Variants in DCDC1 observed in about 807,000 individuals in gnomAD.
DCDC1 encodes doublecortin domain containing 1, also known as doublecortin domain-containing protein 1.
DCDC1 carries 200 observed loss-of-function variants against 178.3 expected under a neutral mutation model. That is an observed-to-expected ratio of 1.12 (90% confidence interval 1.00 to 1.26). The LOEUF is 1.26. Ranked by LOEUF, DCDC1 falls within the 50% of genes most tolerant of loss-of-function variation. DCDC1 has a pLI of 0.00. For synonymous variants in DCDC1, 690 were observed against 604.8 expected (o/e 1.14, Z -2.07); for missense variants, 1,983 against 1,749.2 (o/e 1.13, Z -2.38).
chr11:31,354,738 T>C (rs1326028975), intron 1 of DCDC1, among the ~76,000 whole-genome samples: 2 of 152,156 alleles, frequency 1.3e-5, no homozygotes, highest in South Asian at 2.1e-4. Context: ...AATTTAAAAA[T>C]TGACTTGAAC....
intron 7 of DCDC1, among the ~76,000 whole-genome samples, chr11:31,284,897 C>T (rs1946705853): frequency 6.6e-6 from 1 of 151,980 alleles, no homozygotes; most frequent in Admixed American, 6.6e-5. Context: ...CCTTGGCCTC[C>T]CAAGGTGCTG....
chr11:31,117,169 T>TA (rs35660869), intron 11 of DCDC1, among the ~76,000 whole-genome samples: 1 of 152,112 alleles, frequency 6.6e-6, no homozygotes, highest in Non-Finnish European at 1.5e-5. Flanking sequence ...ATTGATCCTC[T>TA]AAGGCTGTGA....
At chr11:31,335,252 T>A (rs1363931567) in intron 2 of DCDC1, among the ~76,000 whole-genome samples, 195 bp downstream of exon 2, 1 of 152,158 alleles carries the variant, frequency 6.6e-6, no homozygotes, top group Non-Finnish European at 1.5e-5. Context: ...GCTAAGACCA[T>A]TGGAAAAGCG....
chr11:30,876,845 G>C (rs965811857), intron 38 of DCDC1, among the ~76,000 whole-genome samples: 1 of 152,060 alleles, frequency 6.6e-6, no homozygotes, highest in African/African-American at 2.4e-5. Flanking sequence ...TCATTCTAGG[G>C]AGAGGCCCAG....
intron 8 of DCDC1, 86 bp downstream of exon 8, chr11:31,265,421 T>C (rs1282638518): frequency 1.7e-5 from 11 of 628,686 alleles, no homozygotes; most frequent in Non-Finnish European, 2.6e-5. Context: ...TATTATATGT[T>C]TTTCTTTTAA....
intron 20 of DCDC1, among the ~76,000 whole-genome samples, chr11:30,958,617 C>G (rs1271021734): frequency 9.9e-5 from 15 of 152,094 alleles, no homozygotes. Flanking sequence ...ATAATCCCAG[C>G]ATTACATGGT....
intron 7 of DCDC1, among the ~76,000 whole-genome samples, chr11:31,272,915 T>C (rs1229434902): frequency 6.6e-6 from 1 of 152,178 alleles, no homozygotes; most frequent in Non-Finnish European, 1.5e-5. Context: ...AGGAACTCTG[T>C]GTAGGGACTC....
chr11:31,105,193 C>T (rs1481085114), intron 13 of DCDC1, among the ~76,000 whole-genome samples: 1 of 151,744 alleles, frequency 6.6e-6, no homozygotes, highest in Non-Finnish European at 1.5e-5. Context: ...GGACTGGAAA[C>T]CAAAAAAATA....
At chr11:31,005,967 A>C (rs1382202895) in intron 20 of DCDC1, among the ~76,000 whole-genome samples, 4 of 150,882 alleles carry the variant, frequency 2.7e-5, no homozygotes, top group Admixed American at 6.6e-5. Context: ...AAAAAAAAAA[A>C]AAAAAAAAAA....
chr11:31,219,967 T>G (rs1974056906), intron 9 of DCDC1, among the ~76,000 whole-genome samples: 1 of 152,164 alleles, frequency 6.6e-6, no homozygotes, highest in South Asian at 2.1e-4. Context: ...TGAAGCAATC[T>G]GACTCCAGCC....
At chr11:31,091,264 G>T (rs1957804489) in intron 17 of DCDC1, 129 bp downstream of exon 17, 1 of 558,792 alleles carries the variant, frequency 1.8e-6, no homozygotes, top group African/African-American at 1.9e-5. Context: ...AATTAATATT[G>T]TTATTATGAA....
In DCDC1 at chr11:30,917,017, A is replaced by C. The variant is rs777418313; in HGVS notation, c.3305T>G (p.Val1102Gly). Reference sequence around the variant, plus strand: ...AGCCTTCATTCGAAGATGAGCTCTTACGTGTGAATCTCTATCAAGGTTCAG... The same window carrying C: ...AGCCTTCATTCGAAGATGAGCTCTTCCGTGTGAATCTCTATCAAGGTTCAG... ...NASSEILDSH[V>G]RAHLRMKACH... Residue 1102 changes from valine to glycine, a missense_variant, in exon 26 of 39, where the codon GTA (valine) becomes GGA (glycine). Val to Gly is a moderately radical substitution (Grantham distance 109, BLOSUM62 -3). Coordinates refer to ENST00000684477, the MANE Select transcript of DCDC1 (RefSeq NM_001387274.1). 13 of 1,598,306 alleles carry C rather than the reference A, an allele frequency of 8.1e-6. No homozygotes were observed. The highest frequency in any genetic ancestry group is 1.7e-5 in the Admixed American group (1 of 57,464).
At chr11:30,930,294 G>A (rs1242769532) in intron 22 of DCDC1, among the ~76,000 whole-genome samples, 1 of 152,044 alleles carries the variant, frequency 6.6e-6, no homozygotes, top group Non-Finnish European at 1.5e-5. Context: ...CAGCCACCCT[G>A]CAATGTAACC....
chr11:31,004,010 A>T (rs1353283813), intron 20 of DCDC1, among the ~76,000 whole-genome samples: 1 of 152,136 alleles, frequency 6.6e-6, no homozygotes, highest in Non-Finnish European at 1.5e-5. Flanking sequence ...CTGTTCACTG[A>T]GAGAAGGAAC....
chr11:31,109,553 T>C (rs1959066192), intron 12 of DCDC1, among the ~76,000 whole-genome samples: 1 of 152,166 alleles, frequency 6.6e-6, no homozygotes, highest in Admixed American at 6.6e-5. Flanking sequence ...CTTTTTCGAT[T>C]GGCTGTAAAA....
chr11:31,166,384 T>C (rs1255322454), intron 9 of DCDC1, among the ~76,000 whole-genome samples: 1 of 152,228 alleles, frequency 6.6e-6, no homozygotes, highest in Non-Finnish European at 1.5e-5. Context: ...ATAAATTGGA[T>C]GCTAAGTAGA....
chr11:30,894,605 C>G (rs1340595732), intron 34 of DCDC1, among the ~76,000 whole-genome samples: 1 of 152,194 alleles, frequency 6.6e-6, no homozygotes, highest in Non-Finnish European at 1.5e-5. Context: ...TATACATACT[C>G]TACAGGTAGA....
chr11:31,358,688 A>C (rs1038867124), intron 1 of DCDC1, among the ~76,000 whole-genome samples: 3 of 152,222 alleles, frequency 2.0e-5, no homozygotes, highest in Non-Finnish European at 4.4e-5. Context: ...CAACCTACTC[A>C]TCTGACAAAG....
chr11:31,125,627 C>T (rs771038514), intron 11 of DCDC1, among the ~76,000 whole-genome samples: 2 of 152,052 alleles, frequency 1.3e-5, no homozygotes, highest in Non-Finnish European at 2.9e-5. Flanking sequence ...CCTTTGCAGG[C>T]ATATGGATGA....
Sources: allele counts gnomAD v4.1 joint callset (sites outside exome capture counted in the v4.1 genomes callset), GRCh38; gene constraint gnomAD v4.1.1; transcripts MANE v1.5; gene names NCBI Gene and HGNC (gene_info 2026-07-23, HGNC 2026-07-21).